Variants in TTC6 observed in about 807,000 individuals in gnomAD.
TTC6 encodes the protein tetratricopeptide repeat protein 6.
Under a neutral mutation model 210.4 loss-of-function variants are expected in TTC6, and 172 were observed. The observed-to-expected ratio is 0.82, with a 90% CI of 0.72 to 0.93. TTC6 has a LOEUF of 0.93. Ranked by LOEUF, TTC6 falls within the 40% of genes least tolerant of loss-of-function variation. The pLI, the probability that TTC6 is intolerant of heterozygous loss-of-function variation, is 0.00. For synonymous variants in TTC6, 804 were observed against 819.6 expected, an observed-to-expected ratio of 0.98 and a Z score of 0.32; for missense variants, 2,414 against 2,318.1, an observed-to-expected ratio of 1.04 and a Z score of -0.85.
chr14:37,804,619 C>T (rs1373635713), intron 20 of TTC6, 61 bp from the exon 23 acceptor site: 19 of 1,574,472 alleles, frequency 1.2e-5, no homozygotes, highest in East Asian at 4.5e-5. Flanking sequence ...AAGGCTGTAA[C>T]GTTAAATCAA....
intron 1 of TTC6, among the ~76,000 whole-genome samples, chr14:37,639,042 A>G (rs2095686426): frequency 6.6e-6 from 1 of 152,228 alleles, no homozygotes; most frequent in Admixed American, 6.5e-5. Flanking sequence ...ATAAGAACAT[A>G]CTATACATAT....
intron 14 of TTC6, among the ~76,000 whole-genome samples, chr14:37,771,843 G>A (rs191175757): frequency 2.6e-4 from 40 of 152,278 alleles, no homozygotes; most frequent in Admixed American, 7.2e-4. Flanking sequence ...TCCGTTGCTC[G>A]TGAGGAACTG....
intron 8 of TTC6, among the ~76,000 whole-genome samples, chr14:37,737,181 C>G (rs1368870770): frequency 6.6e-6 from 1 of 152,030 alleles, no homozygotes. Flanking sequence ...TAACACCAGT[C>G]TGGGTGTTAT....
Position 37,812,446 on chromosome 14 carries a change from G to A in TTC6, c.4689+13G>A, listed in dbSNP as rs1294378903. On this transcript the variant is annotated intron_variant, in intron 25 of 30. Coordinates refer to ENST00000553443, the Ensembl canonical transcript of TTC6. Reference sequence around the variant, plus strand: ...CTTTGCACTAGAGGTAAGCCTTCCTGTTGTGTAACCCACTTGATTTTGCAC... The same window carrying A: ...CTTTGCACTAGAGGTAAGCCTTCCTATTGTGTAACCCACTTGATTTTGCAC... 5.1e-6 allele frequency: 8 copies of A among 1,581,230 alleles called. No homozygotes were observed. Among genetic ancestry groups the A allele is most frequent in the Admixed American group, 3.8e-5 (2 of 52,744 alleles).
chr14:37,635,497 C>G (rs184024053), intron 1 of TTC6, among the ~76,000 whole-genome samples: 2 of 152,244 alleles, frequency 1.3e-5, no homozygotes, highest in African/African-American at 4.8e-5. Context: ...AACTGAAAGG[C>G]AGAGATTGGC....
chr14:37,837,830 A>G (rs1323491878), intron 29 of TTC6, among the ~76,000 whole-genome samples: 2 of 152,230 alleles, frequency 1.3e-5, no homozygotes, highest in Admixed American at 1.3e-4. Context: ...TCAGTGTTCC[A>G]TATCACCCAT....
At chr14:37,724,789 T>C (rs1308587662) in intron 6 of TTC6, 109 bp from the exon 9 acceptor site, 6 of 586,890 alleles carry the variant, frequency 1.0e-5, no homozygotes, top group Non-Finnish European at 1.6e-5. Context: ...TCAGAAGCTG[T>C]GGAACCAAAA....
chr14:37,837,746 A>G (rs968258139), intron 29 of TTC6, among the ~76,000 whole-genome samples: 5 of 152,140 alleles, frequency 3.3e-5, no homozygotes, highest in African/African-American at 9.7e-5. Flanking sequence ...AGTTTTAGTA[A>G]CTCACCCAAA....
chr14:37,736,136 G>A (rs777892408), intron 8 of TTC6, 126 bp downstream of exon 10: 90 of 581,328 alleles, frequency 1.5e-4, no homozygotes, highest in South Asian at 9.2e-4. Context: ...CTGTAATCCC[G>A]GCATTTTGGG....
At chr14:37,735,111 T>A (rs1385464992) in intron 7 of TTC6, among the ~76,000 whole-genome samples, 1 of 152,170 alleles carries the variant, frequency 6.6e-6, no homozygotes, top group Admixed American at 6.5e-5. Flanking sequence ...TTTCTGAAAA[T>A]ATAACTTGAG....
At chr14:37,716,687 A>C (rs2138774734) in intron 6 of TTC6, among the ~76,000 whole-genome samples, 1 of 152,288 alleles carries the variant, frequency 6.6e-6, no homozygotes, top group South Asian at 2.1e-4. Context: ...ATGCAAAGCA[A>C]AATCTAAGAA....
intron 24 of TTC6, among the ~76,000 whole-genome samples, chr14:37,810,322 G>C (rs554829208): frequency 6.6e-6 from 1 of 152,192 alleles, no homozygotes. Context: ...TGGGCGAGGA[G>C]GGAACACCCA....
At chr14:37,837,477 G>A (rs1421222721) in intron 29 of TTC6, 8 of 447,444 alleles carry the variant, frequency 1.8e-5, no homozygotes, top group Non-Finnish European at 4.5e-6. Flanking sequence ...GGGATGAGAT[G>A]GATTTTACAT....
intron 6 of TTC6, among the ~76,000 whole-genome samples, chr14:37,720,032 C>G (rs568772372): frequency 1.3e-5 from 2 of 152,114 alleles, no homozygotes; most frequent in South Asian, 4.1e-4. Flanking sequence ...TGGGCAAAAC[C>G]ATTAATAAAC....
At chr14:37,693,343 T>C (rs1368587537) in intron 3 of TTC6, among the ~76,000 whole-genome samples, 1 of 151,940 alleles carries the variant, frequency 6.6e-6, no homozygotes, top group Non-Finnish European at 1.5e-5. Context: ...ATAAAAACTA[T>C]AAAACACTGA....
chr14:37,780,218 AAT>A (rs1442306531), intron 14 of TTC6, among the ~76,000 whole-genome samples: 9 of 152,240 alleles, frequency 5.9e-5, no homozygotes, highest in African/African-American at 2.2e-4. Context: ...TTTATTAGAA[AAT>A]TAGTGAAACA....
intron 1 of TTC6, among the ~76,000 whole-genome samples, chr14:37,605,005 G>A (rs1166672138): frequency 2.6e-5 from 4 of 152,190 alleles, no homozygotes; most frequent in African/African-American, 7.2e-5. Flanking sequence ...GAAATGAAAC[G>A]AGCATGCTGG....
chr14:37,627,335 T>C (rs985800516), intron 1 of TTC6, among the ~76,000 whole-genome samples: 12 of 152,238 alleles, frequency 7.9e-5, no homozygotes, highest in African/African-American at 2.6e-4. Context: ...TATTATACTT[T>C]AAGTTCTGGG....
At chr14:37,634,278 GA>G (rs985878827) in intron 1 of TTC6, among the ~76,000 whole-genome samples, 3 of 150,018 alleles carry the variant, frequency 2.0e-5, no homozygotes, top group East Asian at 3.9e-4. Context: ...TCTCAGTAAA[GA>G]AAAAAAAATC....
Sources: allele counts gnomAD v4.1 joint callset (sites outside exome capture counted in the v4.1 genomes callset), GRCh38; gene constraint gnomAD v4.1.1; transcripts MANE v1.5; gene names NCBI Gene and HGNC (gene_info 2026-07-23, HGNC 2026-07-21).